The following CACNA1I variants were observed in gnomAD, a reference collection of about 807,000 sequenced individuals.
CACNA1I encodes voltage-dependent T-type calcium channel subunit alpha-1I.
In CACNA1I, 74 loss-of-function variants were observed where a neutral mutation model predicts 201.6. That is an observed-to-expected ratio of 0.37 (90% CI 0.30 to 0.45). CACNA1I has a LOEUF of 0.45. Among genes scored for constraint, CACNA1I ranks in the 20% least tolerant of loss-of-function variants. The pLI is 1.00. For missense variants in CACNA1I, 2,346 were observed against 3,138.1 expected (o/e 0.75, Z 6.03); for synonymous variants, 1,431 against 1,345.2 (o/e 1.06, Z -1.40).
intron 1 of CACNA1I, among the ~76,000 whole-genome samples, chr22:39,588,538 A>G (rs1300469942): frequency 1.3e-5 from 2 of 150,994 alleles, no homozygotes; most frequent in Admixed American, 1.3e-4. Flanking sequence ...GGCGCCCACC[A>G]CCACGCCCGG....
intron 5 of CACNA1I, among the ~76,000 whole-genome samples, chr22:39,639,975 G>T (rs556741474): frequency 2.0e-4 from 31 of 152,306 alleles, no homozygotes; most frequent in Admixed American, 7.2e-4. Flanking sequence ...AACCATCTGG[G>T]CAGGCTCCAC....
chr22:39,618,999 G>A (rs751354436), intron 3 of CACNA1I, among the ~76,000 whole-genome samples: 12 of 152,148 alleles, frequency 7.9e-5, no homozygotes, highest in South Asian at 4.1e-4. Context: ...CATGGGCCAC[G>A]GGCCAGGAGG....
intron 24 of CACNA1I, among the ~76,000 whole-genome samples, chr22:39,669,118 T>G (rs544238868): frequency 6.6e-6 from 1 of 152,102 alleles, no homozygotes; most frequent in African/African-American, 2.4e-5. Context: ...GTGTCCAGAC[T>G]GAGGGGGTCA....
Position 39,684,134 on chromosome 22 carries a change from G to T in CACNA1I, c.5831-168G>T, listed in dbSNP as rs1255787928. Among the ~76,000 whole-genome samples, 1 of 152,174 alleles carries T rather than the reference G, an allele frequency of 6.6e-6. No homozygotes were observed. The highest frequency in any genetic ancestry group is 1.5e-5 in the Non-Finnish European group (1 of 68,034). ...AGGATTTCTCTCTTGCTCTCACAAT[G>T]GGGAAACGAAGGCTTAGAGAGGGGG... On this transcript the variant is annotated intron_variant, in intron 35 of 36. Coordinates refer to ENST00000402142, the MANE Select transcript of CACNA1I (RefSeq NM_021096.4). This position sits in a 1 kb window ranked among gnomAD's most constrained non-coding sequence, Gnocchi z 4.6.
intron 17 of CACNA1I, 40 bp downstream of exon 17, chr22:39,662,475 G>A: frequency 7.4e-7 from 1 of 1,355,640 alleles, no homozygotes; most frequent in Non-Finnish European, 9.6e-7. Flanking sequence ...GGTGCGGTGG[G>A]ATAGGACAGA....
chr22:39,585,391 T>TTCTTTC, intron 1 of CACNA1I, among the ~76,000 whole-genome samples: 1 of 137,388 alleles, frequency 7.3e-6, no homozygotes, highest in Non-Finnish European at 1.6e-5. Context: ...TCTTTCTTTT[T>TTCTTTC]TTTTTTTTTT....
chr22:39,670,791 C>T lies in CACNA1I; in HGVS notation c.4388-12C>T, dbSNP rs756665645. 34 of 1,613,672 alleles carry T rather than the reference C, an allele frequency of 2.1e-5. No individual in the cohort carries two copies. Among genetic ancestry groups the T allele is most frequent in the Non-Finnish European group, 2.4e-5 (28 of 1,179,784 alleles). Reference sequence around the variant, plus strand: ...TCTGTGGTCTTTGCCACTCCCCCTGCACCACCTGCAGAGGCCCAGCGGCTG... The same window carrying T: ...TCTGTGGTCTTTGCCACTCCCCCTGTACCACCTGCAGAGGCCCAGCGGCTG... On this transcript the variant is annotated splice_polypyrimidine_tract_variant and intron_variant, in intron 25 of 36. Coordinates refer to ENST00000402142, the MANE Select transcript of CACNA1I (RefSeq NM_021096.4).
chr22:39,649,863 C>T lies in CACNA1I; in HGVS notation c.1930C>T (p.Arg644Trp), dbSNP rs556959037. ...CATCGTGGACAGCAAGTACTTCAAC[C>T]GGGGCATCATGATGGCCATCCTGGT... ...RGIVDSKYFNRGIMMAILVNT... is the reference protein window; with the variant it reads ...RGIVDSKYFNWGIMMAILVNT... The change falls in exon 10 of 37, where the codon CGG becomes TGG. Residue 644 changes from arginine to tryptophan, a missense_variant. Physicochemically the swap from Arg to Trp is moderately radical, Grantham distance 101. Around this residue, in one of 13 missense-constraint regions of CACNA1I, gnomAD observed 312 missense variants for 331.5 expected, o/e 0.94. Transcript: ENST00000402142. This position sits in a 1 kb window ranked among gnomAD's most constrained non-coding sequence, Gnocchi z 7.3. 9 of 1,613,528 alleles carry T rather than the reference C, an allele frequency of 5.6e-6. No homozygotes were observed. The highest frequency in any genetic ancestry group is 5.5e-5 in the South Asian group (5 of 91,088).
chr22:39,685,535 C>T lies in CACNA1I; in HGVS notation c.6028-226C>T, dbSNP rs1411960206. On this transcript the variant is annotated intron_variant, in intron 36 of 36. Coordinates refer to ENST00000402142, the MANE Select transcript of CACNA1I (RefSeq NM_021096.4). The surrounding 1 kb of genome is among the most constrained non-coding windows in gnomAD (Gnocchi z 5.0). ...TGTGACGGGCAGGGCCGGGTCTGAC[C>T]TGGGTTTGAGGCGGATGCTAGCTCC... Among the ~76,000 whole-genome samples, 2 of 151,538 alleles carry T rather than the reference C, an allele frequency of 1.3e-5. No individual in the cohort carries two copies. Among genetic ancestry groups the T allele is most frequent in the African/African-American group, 2.4e-5 (1 of 41,180 alleles).
intron 1 of CACNA1I, among the ~76,000 whole-genome samples, chr22:39,591,293 C>T (rs1278115270): frequency 6.6e-6 from 1 of 151,682 alleles, no homozygotes; most frequent in East Asian, 1.9e-4. Flanking sequence ...TCCTGAGTAG[C>T]TGGGATTACA....
At chr22:39,674,817 C>T (rs1935474493) in intron 29 of CACNA1I, among the ~76,000 whole-genome samples, 1 of 152,112 alleles carries the variant, frequency 6.6e-6, no homozygotes, top group African/African-American at 2.4e-5. Context: ...AGATACTGCA[C>T]ATTAAAAATG....
Position 39,570,792 on chromosome 22 carries a change from G to T in CACNA1I, c.40G>T (p.Ala14Ser). The stretch of plus-strand genomic sequence containing the variant: ...CTCCCCGCCCTCCTCATCTGCAGCA[G>T]CCCCAGCCGCTGAGCCAGGAGTCAC... ...SASPPSSSAA[A>S]PAAEPGVTTE... Residue 14 changes from alanine (A) to serine (S), a missense_variant, in exon 1 of 37, where the codon GCC (alanine) becomes TCC (serine). By Grantham distance (99) the Ala-to-Ser change is moderately conservative (BLOSUM62 1). This residue lies in a region of CACNA1I where 130 missense variants were observed against 160.7 expected (regional missense o/e 0.81). Transcript: ENST00000402142. 6.2e-7 allele frequency: 1 copy of T among 1,612,516 alleles called. No individual in the cohort carries two copies. Among genetic ancestry groups the T allele is most frequent in the Non-Finnish European group, 8.5e-7 (1 of 1,179,536 alleles).
At position 39,679,419 on chromosome 22, in the gene CACNA1I, T is replaced by C. The variant is rs997999459; in HGVS notation, c.5368T>C (p.Cys1790Arg). The change falls in exon 32 of 37, where the codon TGC becomes CGC. Residue 1790 changes from cysteine to arginine, a missense_variant. Cys to Arg is a radical substitution (Grantham distance 180, BLOSUM62 -3). This residue lies in a region of CACNA1I where 441 missense variants were observed against 555.6 expected (regional missense o/e 0.79). Coordinates refer to ENST00000402142, the MANE Select transcript of CACNA1I (RefSeq NM_021096.4). ...GGGGDTEGGL[C>R]RRCYSPAQEN... ...CGGGGGCGACACCGAGGGCGGCTTG[T>C]GCCGGCGCTGCTACTCGCCTGCCCA... The C allele has an allele frequency of 4.2e-5, 60 of 1,428,074 alleles. No homozygotes were observed. The highest frequency in any genetic ancestry group is 5.3e-5 in the Non-Finnish European group (58 of 1,103,978). The allele number at this position is 1,428,074 out of a possible 1,614,324, so 88.5% of individuals were successfully genotyped here.
At chr22:39,608,087 C>T (rs1933272224) in intron 3 of CACNA1I, among the ~76,000 whole-genome samples, 1 of 140,400 alleles carries the variant, frequency 7.1e-6, no homozygotes, top group South Asian at 2.2e-4. Flanking sequence ...TGCACTCCAG[C>T]CTGGGCAATG....
Position 39,591,154 on chromosome 22 carries a change from G to T in CACNA1I, c.237-6997G>T, listed in dbSNP as rs760775047. ...GATGTGAGCCACTGCATCTGGCCTGGATTCTTTTTTTTTTTTTTTTCTGAG... is the reference window on the plus strand; with the variant it reads ...GATGTGAGCCACTGCATCTGGCCTGTATTCTTTTTTTTTTTTTTTTCTGAG... On this transcript the variant is annotated intron_variant, in intron 1 of 36. Coordinates refer to ENST00000402142, the MANE Select transcript of CACNA1I (RefSeq NM_021096.4). Among the ~76,000 whole-genome samples the T allele has an allele frequency of 3.3e-3, 459 of 138,952 alleles. 2 individuals carry two copies. Among genetic ancestry groups the T allele is most frequent in the Non-Finnish European group, 5.4e-3 (339 of 62,998 alleles). 91.2% of individuals were successfully genotyped at this position (138,952 alleles called of 152,430 possible). A position where few individuals can be genotyped will look rare whatever the true frequency, so the allele number is the denominator to read the frequency against.
chr22:39,683,704 C>A lies in CACNA1I; in HGVS notation c.5831-598C>A, dbSNP rs555159677. 3.3e-5 allele frequency among the ~76,000 whole-genome samples: 5 copies of A among 150,002 alleles called. No homozygotes were observed. In the East Asian group the frequency reaches 9.9e-4, roughly 30 times the overall value. Reference sequence around the variant, plus strand: ...GTGGGCAGAGGCTGCTGCTACCCCCCACGCCCCCCACACCCAGACCTGCCC... The same window carrying A: ...GTGGGCAGAGGCTGCTGCTACCCCCAACGCCCCCCACACCCAGACCTGCCC... On this transcript the variant is annotated intron_variant, in intron 35 of 36. Coordinates refer to ENST00000402142, the MANE Select transcript of CACNA1I (RefSeq NM_021096.4).
chr22:39,662,111 G>C lies in CACNA1I; in HGVS notation c.3048G>C (p.Arg1016=), dbSNP rs757241908. 10 of 1,527,590 alleles carry C rather than the reference G, an allele frequency of 6.5e-6. No homozygotes were observed. The highest frequency in any genetic ancestry group is 1.4e-5 in the African/African-American group (1 of 69,808). The allele number at this position is 1,527,590 out of a possible 1,614,324, so 94.6% of individuals were successfully genotyped here. Residue 1016 remains arginine (R), a synonymous_variant, in exon 17 of 37, where the codon CGG becomes CGC. Transcript: ENST00000402142. ...LLSAERGGGA[R]VCEVAADEGP... ...CTGCGGAGCGCGGCGGCGGCGCCCG[G>C]GTCTGCGAGGTTGCCGCGGACGAGG...
At chr22:39,612,648 G>A (rs1341989227) in intron 3 of CACNA1I, among the ~76,000 whole-genome samples, 1 of 152,154 alleles carries the variant, frequency 6.6e-6, no homozygotes, top group East Asian at 1.9e-4. Context: ...CTGCCTTCAT[G>A]ATCTAATCAC....
chr22:39,661,597 C>A (rs1188238476), intron 16 of CACNA1I, among the ~76,000 whole-genome samples: 1 of 152,238 alleles, frequency 6.6e-6, no homozygotes, highest in East Asian at 1.9e-4. Context: ...AGGCAGACTG[C>A]AGCTTGAATC....
Sources: gnomAD v4.1 joint callset for allele counts (sites outside exome capture counted in the v4.1 genomes callset) on GRCh38, gnomAD v4.1.1 for gene constraint, gnomAD v4.1.1 regional missense constraint, Gnocchi (gnomAD v3.1) non-coding constraint, MANE v1.5 for transcripts, NCBI Gene and HGNC (gene_info 2026-07-23, HGNC 2026-07-21) for gene names.